SPOCK1: variants seen among roughly 807,000 people sequenced by gnomAD.
SPOCK1 encodes testican-1.
Under a neutral mutation model 55.3 loss-of-function variants are expected in SPOCK1, and 23 were observed. The ratio of observed to expected loss-of-function variants is 0.42; its 90% CI spans 0.30 to 0.59. The LOEUF is 0.59. SPOCK1 is among the 20% of genes least tolerant of loss of function. SPOCK1 has a pLI of 0.22. For synonymous variants in SPOCK1, 226 were observed against 221.0 expected (o/e 1.02, Z -0.20); for missense variants, 499 against 552.5 (o/e 0.90, Z 0.97).
At chr5:137,011,255 G>A (rs918930418) in intron 6 of SPOCK1, among the ~76,000 whole-genome samples, 14 of 152,138 alleles carry the variant, frequency 9.2e-5, no homozygotes, top group African/African-American at 2.7e-4. Flanking sequence ...CATTCTGAAA[G>A]GAATACAGAA....
intron 2 of SPOCK1, among the ~76,000 whole-genome samples, chr5:137,341,534 T>C (rs1750423455): frequency 6.6e-6 from 1 of 152,232 alleles, no homozygotes; most frequent in African/African-American, 2.4e-5. Context: ...TTGTGCCTAC[T>C]AGCACAGAAG....
At chr5:137,004,260 T>G (rs1207818197) in intron 6 of SPOCK1, among the ~76,000 whole-genome samples, 1 of 152,106 alleles carries the variant, frequency 6.6e-6, no homozygotes, top group African/African-American at 2.4e-5. Flanking sequence ...ATGCTTCCAG[T>G]GAACAAGCTG....
At chr5:136,982,491 T>C (rs1318162594) in intron 9 of SPOCK1, among the ~76,000 whole-genome samples, 2 of 152,248 alleles carry the variant, frequency 1.3e-5, no homozygotes, top group African/African-American at 4.8e-5. Flanking sequence ...GTTTTCTTTA[T>C]ACCTTGTCTT....
At chr5:137,415,076 T>C (rs1386390897) in intron 2 of SPOCK1, among the ~76,000 whole-genome samples, 1 of 152,148 alleles carries the variant, frequency 6.6e-6, no homozygotes, top group East Asian at 1.9e-4. Context: ...AAGATAGTAT[T>C]TCTAAGTCCT....
At chr5:137,438,827 T>A (rs1752920221) in intron 2 of SPOCK1, among the ~76,000 whole-genome samples, 1 of 152,100 alleles carries the variant, frequency 6.6e-6, no homozygotes, top group Admixed American at 6.5e-5. Context: ...GACTCCCCAA[T>A]CACAAGGAAA....
In SPOCK1 at chr5:137,144,104, C is replaced by A. The variant is rs1429037676; in HGVS notation, c.233-3410G>T. 3.3e-5 allele frequency among the ~76,000 whole-genome samples: 5 copies of A among 152,238 alleles called. 1 individual carries two copies. The highest frequency in any genetic ancestry group is 1.9e-4 in the East Asian group (1 of 5,170). On this transcript the variant is annotated intron_variant, in intron 3 of 10. Coordinates refer to ENST00000394945, the MANE Select transcript of SPOCK1 (RefSeq NM_004598.4). ...GTCCACGATTCCCTCTCAGTACACCCCACAGGATGAGGTCACCAGCCCTGA... is the reference window on the plus strand; with the variant it reads ...GTCCACGATTCCCTCTCAGTACACCACACAGGATGAGGTCACCAGCCCTGA...
intron 3 of SPOCK1, among the ~76,000 whole-genome samples, chr5:137,181,671 G>A (rs912685474): frequency 6.6e-5 from 10 of 152,224 alleles, no homozygotes; most frequent in South Asian, 4.1e-4. Flanking sequence ...CCCCACGGGC[G>A]CTAGAAACTT....
chr5:137,314,668 T>C (rs1404238419), intron 2 of SPOCK1, among the ~76,000 whole-genome samples: 1 of 152,194 alleles, frequency 6.6e-6, no homozygotes, highest in Non-Finnish European at 1.5e-5. Context: ...TATCCACAGC[T>C]ACAGTCCTTA....
chr5:137,424,816 C>T lies in SPOCK1; in HGVS notation c.186+73557G>A, dbSNP rs372951714. 1.1e-4 allele frequency among the ~76,000 whole-genome samples: 16 copies of T among 152,204 alleles called. No individual in the cohort carries two copies. In the South Asian group the frequency reaches 2.1e-3, roughly 20 times the overall value. On this transcript the variant is annotated intron_variant, in intron 2 of 10. Coordinates refer to ENST00000394945, the MANE Select transcript of SPOCK1 (RefSeq NM_004598.4). ...GTGACAGAAAGTAGATGAGAGGTCT[C>T]CTGGGACTGAGGGACTGAGTATAAA...
rs572465145 is a variant in SPOCK1 at position 137,063,227 on chromosome 5, G to A, written c.589+4488C>T. ...CGCAGTCCGGCCTGGGCGACAGAGCGAGACTCCATCTCAAAAAAAAAAAAA... is the reference window on the plus strand; with the variant it reads ...CGCAGTCCGGCCTGGGCGACAGAGCAAGACTCCATCTCAAAAAAAAAAAAA... On this transcript the variant is annotated intron_variant, in intron 6 of 10. Coordinates refer to ENST00000394945, the MANE Select transcript of SPOCK1 (RefSeq NM_004598.4). Among the ~76,000 whole-genome samples, 15 of 132,928 alleles carry A rather than the reference G, an allele frequency of 1.1e-4. No homozygotes were observed. In the South Asian group the frequency reaches 1.4e-3, roughly 12 times the overall value. 87.2% of individuals were successfully genotyped at this position (132,928 alleles called of 152,430 possible). A position where few individuals can be genotyped will look rare whatever the true frequency, so the allele number is the denominator to read the frequency against.
At chr5:137,284,573 A>C (rs1757228917) in intron 2 of SPOCK1, among the ~76,000 whole-genome samples, 1 of 152,238 alleles carries the variant, frequency 6.6e-6, no homozygotes, top group East Asian at 1.9e-4. Flanking sequence ...CTGGCTCTGC[A>C]CTAGAGTAAG....
At chr5:137,114,282 C>A (rs1212014431) in intron 4 of SPOCK1, among the ~76,000 whole-genome samples, 1 of 152,198 alleles carries the variant, frequency 6.6e-6, no homozygotes, top group East Asian at 1.9e-4. Flanking sequence ...GAGCCAGAGT[C>A]TTACCTAAAG....
chr5:137,420,420 T>C (rs1008650570), intron 2 of SPOCK1, among the ~76,000 whole-genome samples: 2 of 152,202 alleles, frequency 1.3e-5, no homozygotes, highest in Non-Finnish European at 2.9e-5. Context: ...TGAATCCATC[T>C]GGTCCTGGAC....
intron 2 of SPOCK1, among the ~76,000 whole-genome samples, chr5:137,307,481 G>A (rs1332798560): frequency 6.6e-6 from 1 of 152,220 alleles, no homozygotes; most frequent in Non-Finnish European, 1.5e-5. Context: ...GCACTATGCT[G>A]AAGCTTCTCT....
chr5:137,028,801 C>A (rs1364576327), intron 6 of SPOCK1, among the ~76,000 whole-genome samples: 1 of 151,866 alleles, frequency 6.6e-6, no homozygotes, highest in Non-Finnish European at 1.5e-5. Context: ...ATTGACACAT[C>A]CAGACAATGT....
intron 6 of SPOCK1, among the ~76,000 whole-genome samples, chr5:137,017,970 T>C (rs1420270791): frequency 6.6e-6 from 1 of 152,142 alleles, no homozygotes; most frequent in Non-Finnish European, 1.5e-5. Context: ...AATCTAAAAG[T>C]CCCCAAAGCT....
At chr5:137,386,123 C>A (rs1561521838) in intron 2 of SPOCK1, among the ~76,000 whole-genome samples, 1 of 152,154 alleles carries the variant, frequency 6.6e-6, no homozygotes, top group Non-Finnish European at 1.5e-5. Flanking sequence ...AGCACAATAT[C>A]ATTTATATTA....
chr5:137,064,050 G>C (rs1264729298), intron 6 of SPOCK1, among the ~76,000 whole-genome samples: 1 of 152,086 alleles, frequency 6.6e-6, no homozygotes, highest in Non-Finnish European at 1.5e-5. Context: ...AGAAGAAAGA[G>C]GATTCACCGT....
At chr5:137,182,180 G>T (rs1318615552) in intron 3 of SPOCK1, among the ~76,000 whole-genome samples, 1 of 152,072 alleles carries the variant, frequency 6.6e-6, no homozygotes, top group African/African-American at 2.4e-5. Context: ...AGTTTAAATT[G>T]CTCAGTAGGA....
Sources: gnomAD v4.1 joint callset for allele counts (sites outside exome capture counted in the v4.1 genomes callset) on GRCh38, gnomAD v4.1.1 for gene constraint, MANE v1.5 for transcripts, NCBI Gene and HGNC (gene_info 2026-07-23, HGNC 2026-07-21) for gene names.